Variants in CHD9 observed in about 807,000 individuals in gnomAD.
CHD9 encodes the protein chromodomain helicase DNA binding protein 9, also known as ATP-dependent chromatin remodeler CHD9.
Under a neutral mutation model 316.1 loss-of-function variants are expected in CHD9, and 77 were observed. The observed-to-expected ratio is 0.24, with a 90% confidence interval of 0.20 to 0.29. The LOEUF (loss-of-function observed/expected upper bound fraction) is 0.29, where lower values mean the gene tolerates loss of function less well. Ranked by LOEUF, CHD9 falls within the 10% of genes least tolerant of loss-of-function variation. CHD9 has a pLI of 1.00. For synonymous variants in CHD9, 1,129 were observed against 1,158.3 expected (o/e 0.97, Z 0.51); for missense variants, 2,763 against 3,438.1 (o/e 0.80, Z 4.91).
intron 1 of CHD9, among the ~76,000 whole-genome samples, chr16:53,129,769 A>C (rs1055446275): frequency 6.6e-6 from 1 of 152,242 alleles, no homozygotes; most frequent in Non-Finnish European, 1.5e-5. Context: ...TCACGTTTTC[A>C]TATGGGTTTT....
At chr16:53,229,164 A>C (rs1401840070) in intron 8 of CHD9, 64 bp downstream of exon 8, 2 of 737,096 alleles carry the variant, frequency 2.7e-6, no homozygotes, top group Non-Finnish European at 2.2e-6. Context: ...ATTATTTATC[A>C]AAAATTACAC....
At chr16:53,110,472 C>T (rs371472967) in intron 1 of CHD9, among the ~76,000 whole-genome samples, 3 of 152,052 alleles carry the variant, frequency 2.0e-5, no homozygotes, top group East Asian at 3.9e-4. Flanking sequence ...AGTAATGCTG[C>T]TTTCATGGGC....
intron 2 of CHD9, among the ~76,000 whole-genome samples, chr16:53,168,175 T>C (rs2042408665): frequency 6.6e-6 from 1 of 151,912 alleles, no homozygotes; most frequent in Admixed American, 6.6e-5. Context: ...AATTCTCCTG[T>C]CTCAGCCTCC....
intron 1 of CHD9, among the ~76,000 whole-genome samples, chr16:53,144,047 A>G (rs550010200): frequency 6.6e-6 from 1 of 152,284 alleles, no homozygotes; most frequent in South Asian, 2.1e-4. Flanking sequence ...TATCTTTTGT[A>G]AATTAAAAAA....
chr16:53,209,904 A>G, intron 3 of CHD9, 91 bp downstream of exon 3: 1 of 883,988 alleles, frequency 1.1e-6, no homozygotes, highest in Non-Finnish European at 1.7e-6. Flanking sequence ...GAGTATATTT[A>G]CTCCCATATT....
chr16:53,317,537 G>C (rs886124058), intron 36 of CHD9, among the ~76,000 whole-genome samples: 1 of 152,122 alleles, frequency 6.6e-6, no homozygotes, highest in African/African-American at 2.4e-5. Flanking sequence ...TTGTTGCCCA[G>C]GCTGGAGTGC....
chr16:53,117,785 T>C (rs2038430381), intron 1 of CHD9, among the ~76,000 whole-genome samples: 1 of 152,018 alleles, frequency 6.6e-6, no homozygotes, highest in East Asian at 1.9e-4. Flanking sequence ...TTATCTGTAA[T>C]GCTGGAGAAA....
intron 2 of CHD9, among the ~76,000 whole-genome samples, chr16:53,173,844 A>G (rs573327996): frequency 1.3e-3 from 205 of 152,128 alleles, no homozygotes; most frequent in Admixed American, 4.8e-3. Flanking sequence ...GTGCCCAGCC[A>G]AATTTGTTAT....
intron 2 of CHD9, among the ~76,000 whole-genome samples, chr16:53,170,038 A>AGTTTTTTTTT (rs888492347): frequency 1.5e-5 from 2 of 129,970 alleles, no homozygotes. Flanking sequence ...CAGGTTAAGC[A>AGTTTTTTTTT]GTTTTTTTTT....
chr16:53,089,427 G>A (rs1237749028), intron 1 of CHD9, among the ~76,000 whole-genome samples: 1 of 152,176 alleles, frequency 6.6e-6, no homozygotes, highest in East Asian at 1.9e-4. Context: ...CCTATCTCAT[G>A]GAGCATTTTT....
intron 1 of CHD9, among the ~76,000 whole-genome samples, chr16:53,132,834 A>G (rs1403251588): frequency 2.8e-5 from 3 of 107,402 alleles, no homozygotes; most frequent in African/African-American, 1.1e-4. Flanking sequence ...GTTGAGACGG[A>G]GTCTCGCTCT....
chr16:53,142,137 C>A (rs1023473402), intron 1 of CHD9, among the ~76,000 whole-genome samples: 5 of 152,046 alleles, frequency 3.3e-5, no homozygotes, highest in African/African-American at 4.8e-5. Context: ...ACATTCAATA[C>A]TATTAGATAT....
intron 29 of CHD9, among the ~76,000 whole-genome samples, chr16:53,295,863 C>T (rs2054735989): frequency 6.6e-6 from 1 of 152,214 alleles, no homozygotes; most frequent in Non-Finnish European, 1.5e-5. Flanking sequence ...GTTTGCAGAT[C>T]TATGGTGCAT....
chr16:53,090,712 G>A (rs906221555), intron 1 of CHD9, among the ~76,000 whole-genome samples: 11 of 152,184 alleles, frequency 7.2e-5, no homozygotes, highest in Admixed American at 2.0e-4. Flanking sequence ...AAAAATTCAT[G>A]AGAATGTGGG....
At chr16:53,182,153 T>C (rs1478027287) in intron 2 of CHD9, among the ~76,000 whole-genome samples, 4 of 152,146 alleles carry the variant, frequency 2.6e-5, no homozygotes, top group African/African-American at 7.2e-5. Flanking sequence ...TGTCATAGTA[T>C]TTGCTTTTAC....
At position 53,285,596 on chromosome 16, in the gene CHD9, T is replaced by G; in HGVS notation, c.4968T>G (p.Ser1656Arg). 2 of 1,581,388 alleles carry G rather than the reference T, an allele frequency of 1.3e-6. No homozygotes were observed. Among genetic ancestry groups the G allele is most frequent in the Non-Finnish European group, 1.7e-6 (2 of 1,161,232 alleles). The stretch of plus-strand genomic sequence containing the variant: ...ATGCCATATTATGATTTTTTTAAAG[T>G]GACATTGATGTTTGGGTACCAGAAC... ...CQKVFDGVDA[S>R]DIDVWVPEPD... is the part of the protein sequence containing the mutation. Residue 1656 changes from serine to arginine, a missense_variant and splice_region_variant, in exon 25 of 39, where the codon AGT (serine) becomes AGG (arginine). Around this residue, in one of 15 missense-constraint regions of CHD9, gnomAD observed 40 missense variants for 39.5 expected, o/e 1.01. Transcript: ENST00000447540.
chr16:53,228,346 A>G (rs987334296), intron 7 of CHD9, among the ~76,000 whole-genome samples: 1 of 151,914 alleles, frequency 6.6e-6, no homozygotes, highest in Non-Finnish European at 1.5e-5. Context: ...ATCTCTTTAA[A>G]AAAAAAAGTT....
chr16:53,131,833 C>A (rs1002696115), intron 1 of CHD9, among the ~76,000 whole-genome samples: 2 of 152,178 alleles, frequency 1.3e-5, no homozygotes, highest in African/African-American at 4.8e-5. Flanking sequence ...TCGGTTCCGA[C>A]CGCAGTGCCT....
chr16:53,068,104 C>A (rs1001636388), intron 1 of CHD9, among the ~76,000 whole-genome samples: 2 of 152,028 alleles, frequency 1.3e-5, no homozygotes, highest in Non-Finnish European at 2.9e-5. Flanking sequence ...GGATTCCTAC[C>A]CCACTTCCAT....
Sources: allele counts gnomAD v4.1 joint callset (sites outside exome capture counted in the v4.1 genomes callset), GRCh38; gene constraint gnomAD v4.1.1; regional missense constraint gnomAD v4.1.1; transcripts MANE v1.5; gene names NCBI Gene and HGNC (gene_info 2026-07-23, HGNC 2026-07-21).